The following GRM7 variants were observed in gnomAD, a reference collection of about 807,000 sequenced individuals.
GRM7 encodes glutamate metabotropic receptor 7.
A neutral mutation model predicts 84.5 loss-of-function variants in GRM7; 35 were observed. That is an observed-to-expected ratio of 0.41 (90% CI 0.32 to 0.55). GRM7 has a LOEUF of 0.55. Ranked by LOEUF, GRM7 falls within the 20% of genes least tolerant of loss-of-function variation. The probability of loss-of-function intolerance (pLI) is 0.19; values close to 1 mark genes in which losing one functional copy is unlikely to be tolerated. For missense variants in GRM7, 1,003 were observed against 1,194.6 expected, an observed-to-expected ratio of 0.84 and a Z score of 2.36; for synonymous variants, 487 against 455.1, an observed-to-expected ratio of 1.07 and a Z score of -0.89.
chr3:7,296,480 G>T (rs1203380511), intron 2 of GRM7, among the ~76,000 whole-genome samples: 1 of 151,708 alleles, frequency 6.6e-6, no homozygotes, highest in East Asian at 1.9e-4. Flanking sequence ...TTCACTGATA[G>T]AATTCATCAG....
intron 8 of GRM7, among the ~76,000 whole-genome samples, chr3:7,654,587 A>G (rs1249559846): frequency 1.3e-5 from 2 of 152,206 alleles, no homozygotes; most frequent in African/African-American, 2.4e-5. Context: ...AGCTTAAGAC[A>G]TAGGCTTTGG....
intron 8 of GRM7, among the ~76,000 whole-genome samples, chr3:7,652,368 AGGGCCACTTTGGG>A (rs1157487402): frequency 2.6e-5 from 4 of 152,186 alleles, no homozygotes; most frequent in African/African-American, 9.7e-5. Context: ...AAGGAAAGAG[AGGGCCACTTTGGG>A]TGGGTTTAGA....
chr3:7,235,177 GTGCAGGATC>G (rs746866371), intron 2 of GRM7, among the ~76,000 whole-genome samples: 4 of 152,184 alleles, frequency 2.6e-5, no homozygotes, highest in Non-Finnish European at 5.9e-5. Context: ...AGACGGTAAA[GTGCAGGATC>G]TGCGAGTGCC....
intron 7 of GRM7, among the ~76,000 whole-genome samples, chr3:7,497,803 C>T (rs1699756988): frequency 6.6e-6 from 1 of 152,144 alleles, no homozygotes; most frequent in African/African-American, 2.4e-5. Flanking sequence ...AAAGGTTTAA[C>T]TTTTCTGAGC....
At chr3:7,272,603 A>T (rs1698906395) in intron 2 of GRM7, among the ~76,000 whole-genome samples, 1 of 152,150 alleles carries the variant, frequency 6.6e-6, no homozygotes, top group Admixed American at 6.5e-5. Flanking sequence ...AGGAGTTGGT[A>T]GATTCCCCTT....
chr3:7,471,629 T>C (rs1398154454), intron 7 of GRM7, among the ~76,000 whole-genome samples: 1 of 152,182 alleles, frequency 6.6e-6, no homozygotes, highest in African/African-American at 2.4e-5. Context: ...CCCATATGAT[T>C]GTATTGGGTC....
chr3:7,146,497 G>A lies in GRM7; in HGVS notation c.565G>A (p.Asp189Asn). Residue 189 changes from aspartate (D) to asparagine (N), a missense_variant, in exon 2 of 10, where the codon GAC (aspartate) becomes AAC (asparagine). This residue lies in a region of GRM7 where 910 missense variants were observed against 1,126.0 expected (regional missense o/e 0.81). Coordinates refer to ENST00000357716, the MANE Select transcript of GRM7 (RefSeq NM_000844.4). ...ATCAACGGCACCCGAGCTAAGTGAT[G>A]ACCGGCGCTATGACTTCTTCTCTCG... Reference protein sequence around the residue: ...YASTAPELSDDRRYDFFSRVV... With the variant: ...YASTAPELSDNRRYDFFSRVV... 2 of 1,613,894 alleles carry A rather than the reference G, an allele frequency of 1.2e-6. No homozygotes were observed. The highest frequency in any genetic ancestry group is 1.7e-6 in the Non-Finnish European group (2 of 1,179,966).
intron 1 of GRM7, among the ~76,000 whole-genome samples, chr3:6,931,029 T>G (rs937718616): frequency 6.6e-6 from 1 of 152,220 alleles, no homozygotes; most frequent in Non-Finnish European, 1.5e-5. Context: ...CTATCAATTC[T>G]AGCACCTAAA....
chr3:6,900,209 T>C (rs998144006), intron 1 of GRM7, among the ~76,000 whole-genome samples: 1 of 152,116 alleles, frequency 6.6e-6, no homozygotes, highest in Non-Finnish European at 1.5e-5. Flanking sequence ...TAAGAGAGAT[T>C]TTATAGATTG....
In GRM7 at chr3:7,189,944, T is replaced by C. The variant is rs762625895; in HGVS notation, c.736+43276T>C. Among the ~76,000 whole-genome samples the C allele has an allele frequency of 6.8e-4, 103 of 152,192 alleles. 1 individual carries two copies. The highest frequency in any genetic ancestry group is 1.2e-3 in the Non-Finnish European group (81 of 67,990). ...ACACACACAGACCTACACACATATATATAAAAGCAATGTAGACACACACAC... is the reference window on the plus strand; with the variant it reads ...ACACACACAGACCTACACACATATACATAAAAGCAATGTAGACACACACAC... On this transcript the variant is annotated intron_variant, in intron 2 of 9. Transcript: ENST00000357716.
At chr3:7,072,257 G>C (rs558179214) in intron 1 of GRM7, among the ~76,000 whole-genome samples, 1 of 152,242 alleles carries the variant, frequency 6.6e-6, no homozygotes, top group South Asian at 2.1e-4. Context: ...AGCTAGAAAG[G>C]ACATCTGTCA....
rs141671779 is a variant in GRM7 at position 7,323,687 on chromosome 3, G to A, written c.1033+17035G>A. ...AAAAAACTAATTTGCCAAGTCAATGGCCACATAACGTGTCATGGTTTTGTT... is the reference window on the plus strand; with the variant it reads ...AAAAAACTAATTTGCCAAGTCAATGACCACATAACGTGTCATGGTTTTGTT... On this transcript the variant is annotated intron_variant, in intron 4 of 9. Coordinates refer to ENST00000357716, the MANE Select transcript of GRM7 (RefSeq NM_000844.4). Among the ~76,000 whole-genome samples, 725 of 152,234 alleles carry A rather than the reference G, an allele frequency of 4.8e-3. 6 individuals are homozygous for A. The highest frequency in any genetic ancestry group is 0.017 in the African/African-American group (699 of 41,546).
chr3:7,368,826 C>G (rs1156750004), intron 4 of GRM7, among the ~76,000 whole-genome samples: 1 of 152,108 alleles, frequency 6.6e-6, no homozygotes, highest in East Asian at 1.9e-4. Flanking sequence ...CCCATCGTAT[C>G]TCTAACATCA....
chr3:7,486,307 A>G lies in GRM7; in HGVS notation c.1515+24585A>G, dbSNP rs1045797007. On this transcript the variant is annotated intron_variant, in intron 7 of 9. Transcript: ENST00000357716. This position sits in a 1 kb window ranked among gnomAD's most constrained non-coding sequence, Gnocchi z 5.5. ...TGATAATGGCGATGATGGTGATAAAAGGTAGGAAGACTATTTTATTTGTTT... is the reference window on the plus strand; with the variant it reads ...TGATAATGGCGATGATGGTGATAAAGGGTAGGAAGACTATTTTATTTGTTT... Among the ~76,000 whole-genome samples, 1 of 152,134 alleles carries G rather than the reference A, an allele frequency of 6.6e-6. No individual in the cohort carries two copies. Among genetic ancestry groups the G allele is most frequent in the African/African-American group, 2.4e-5 (1 of 41,420 alleles).
chr3:7,588,995 T>C (rs1695650510), intron 8 of GRM7, among the ~76,000 whole-genome samples: 1 of 152,212 alleles, frequency 6.6e-6, no homozygotes, highest in South Asian at 2.1e-4. Context: ...ATGATTGGGT[T>C]TTAGCATCAA....
chr3:7,069,953 G>C (rs1194225555), intron 1 of GRM7, among the ~76,000 whole-genome samples: 1 of 152,006 alleles, frequency 6.6e-6, no homozygotes. Context: ...TAAATACTGA[G>C]GGTGAATCCA....
At chr3:7,564,433 A>G (rs1694166463) in intron 7 of GRM7, among the ~76,000 whole-genome samples, 2 of 152,168 alleles carry the variant, frequency 1.3e-5, no homozygotes, top group Admixed American at 1.3e-4. Flanking sequence ...GTTATTATCT[A>G]GTCCATCAAA....
At chr3:7,163,414 C>T (rs1432812303) in intron 2 of GRM7, among the ~76,000 whole-genome samples, 2 of 152,162 alleles carry the variant, frequency 1.3e-5, no homozygotes, top group African/African-American at 4.8e-5. Flanking sequence ...TTGAAGAAAA[C>T]ATGTGCACCA....
At chr3:7,426,290 T>C (rs571937932) in intron 5 of GRM7, among the ~76,000 whole-genome samples, 1 of 152,174 alleles carries the variant, frequency 6.6e-6, no homozygotes, top group African/African-American at 2.4e-5. Context: ...CTGCTAATTT[T>C]GTATTTTTAG....
Sources: allele counts gnomAD v4.1 joint callset (sites outside exome capture counted in the v4.1 genomes callset), GRCh38; gene constraint gnomAD v4.1.1; regional missense constraint gnomAD v4.1.1; non-coding constraint Gnocchi (gnomAD v3.1); transcripts MANE v1.5; gene names NCBI Gene and HGNC (gene_info 2026-07-23, HGNC 2026-07-21).